PIGU: variants seen among roughly 807,000 people sequenced by gnomAD.
PIGU encodes the protein GPI-anchor transamidase component PIGU.
Under a neutral mutation model 49.9 loss-of-function variants are expected in PIGU, and 24 were observed. The observed-to-expected ratio is 0.48, with a 90% CI of 0.35 to 0.68. PIGU has a LOEUF of 0.68. Among genes scored for constraint, PIGU ranks in the 30% least tolerant of loss-of-function variants. The pLI, the probability that PIGU is intolerant of heterozygous loss-of-function variation, is 0.01. For missense variants in PIGU, 490 were observed against 532.6 expected, an observed-to-expected ratio of 0.92 and a Z score of 0.79; for synonymous variants, 220 against 205.7, an observed-to-expected ratio of 1.07 and a Z score of -0.59.
At chr20:34,567,313 C>T (rs886808050) in intron 11 of PIGU, among the ~76,000 whole-genome samples, 6 of 152,192 alleles carry the variant, frequency 3.9e-5, no homozygotes, top group Admixed American at 1.3e-4. Flanking sequence ...AAAACTCCAC[C>T]CTCCAGCTCT....
At chr20:34,627,935 A>G (rs1985554888) in intron 6 of PIGU, among the ~76,000 whole-genome samples, 1 of 152,302 alleles carries the variant, frequency 6.6e-6, no homozygotes, top group South Asian at 2.1e-4. Flanking sequence ...TAGCCATTTT[A>G]AGTAATCCAA....
intron 7 of PIGU, among the ~76,000 whole-genome samples, chr20:34,598,679 T>C (rs540532820): frequency 6.3e-4 from 96 of 152,336 alleles, no homozygotes; most frequent in Middle Eastern, 3.4e-3. Flanking sequence ...TCACTCATAA[T>C]AGAACTGACA....
intron 11 of PIGU, among the ~76,000 whole-genome samples, chr20:34,563,288 C>T (rs1982603989): frequency 6.6e-6 from 1 of 152,148 alleles, no homozygotes; most frequent in Non-Finnish European, 1.5e-5. Flanking sequence ...AAAACTTCGG[C>T]GAGGTGCGGT....
intron 6 of PIGU, among the ~76,000 whole-genome samples, chr20:34,631,756 TA>T (rs1985751108): frequency 4.2e-4 from 2 of 4,724 alleles, no homozygotes; most frequent in African/African-American, 1.1e-3. Flanking sequence ...TATATATATA[TA>T]TATATATATA....
At chr20:34,573,876 A>G (rs1372421365) in intron 11 of PIGU, among the ~76,000 whole-genome samples, 1 of 152,238 alleles carries the variant, frequency 6.6e-6, no homozygotes, top group Non-Finnish European at 1.5e-5. Context: ...TCACAAACCA[A>G]GACAACTGGC....
intron 8 of PIGU, among the ~76,000 whole-genome samples, chr20:34,587,326 C>A (rs1174038027): frequency 6.6e-6 from 1 of 152,164 alleles, no homozygotes; most frequent in African/African-American, 2.4e-5. Flanking sequence ...GCTATGAAAA[C>A]CAAATTAGCT....
intron 6 of PIGU, among the ~76,000 whole-genome samples, chr20:34,623,065 G>A (rs1985307193): frequency 6.6e-6 from 1 of 152,156 alleles, no homozygotes; most frequent in South Asian, 2.1e-4. Context: ...GGAGTGAGCA[G>A]GAATGTAATG....
chr20:34,650,700 C>CTCTTTTTTTTTTTTTTTTTTTTT (rs1986509194), intron 2 of PIGU, among the ~76,000 whole-genome samples: 1 of 38,796 alleles, frequency 2.6e-5, no homozygotes, highest in African/African-American at 1.2e-4. Context: ...CTTTTTTTCT[C>CTCTTTTTTTTTTTTTTTTTTTTT]TTTTTTTTTT....
intron 11 of PIGU, among the ~76,000 whole-genome samples, chr20:34,569,861 A>G (rs1982932013): frequency 6.6e-6 from 1 of 152,198 alleles, no homozygotes; most frequent in Admixed American, 6.5e-5. Flanking sequence ...AAGAAGACAG[A>G]CCCAGGGCTC....
At chr20:34,645,249 T>C in intron 3 of PIGU, 26 bp downstream of exon 3, 2 of 1,496,710 alleles carry the variant, frequency 1.3e-6, no homozygotes, top group Admixed American at 2.4e-5. Context: ...TATATACATA[T>C]CAATTTTATA....
At chr20:34,589,978 C>T (rs1205025362) in intron 7 of PIGU, among the ~76,000 whole-genome samples, 1 of 151,602 alleles carries the variant, frequency 6.6e-6, no homozygotes, top group Non-Finnish European at 1.5e-5. Flanking sequence ...TTAAGTATGA[C>T]AACAGCAATT....
intron 2 of PIGU, among the ~76,000 whole-genome samples, chr20:34,654,431 C>T (rs1215665484): frequency 9.6e-6 from 1 of 104,642 alleles, no homozygotes; most frequent in Non-Finnish European, 2.0e-5. Context: ...TGCAATGAGC[C>T]GAGTTGGCGC....
chr20:34,621,557 G>C (rs1985233896), intron 6 of PIGU, among the ~76,000 whole-genome samples: 1 of 152,136 alleles, frequency 6.6e-6, no homozygotes, highest in South Asian at 2.1e-4. Context: ...GTGTGGACAG[G>C]GCGGACGCAC....
intron 11 of PIGU, among the ~76,000 whole-genome samples, chr20:34,562,813 T>TG (rs919794747): frequency 6.6e-6 from 1 of 152,146 alleles, no homozygotes; most frequent in Non-Finnish European, 1.5e-5. Flanking sequence ...GCTGGCCCAC[T>TG]GGGGGGCAGT....
intron 2 of PIGU, among the ~76,000 whole-genome samples, chr20:34,646,854 G>A (rs928436895): frequency 6.6e-6 from 1 of 151,108 alleles, no homozygotes; most frequent in Non-Finnish European, 1.5e-5. Flanking sequence ...ACAGACTCTC[G>A]CACTGTTGCC....
At chr20:34,603,760 T>C (rs1984513581) in intron 7 of PIGU, among the ~76,000 whole-genome samples, 1 of 152,012 alleles carries the variant, frequency 6.6e-6, no homozygotes, top group Non-Finnish European at 1.5e-5. Context: ...GAAACCCCAG[T>C]TTCTCTAAAT....
intron 1 of PIGU, among the ~76,000 whole-genome samples, chr20:34,667,580 G>C (rs963593226): frequency 1.3e-5 from 2 of 152,034 alleles, no homozygotes; most frequent in African/African-American, 4.8e-5. Context: ...AATGAATATA[G>C]TATACAGAGT....
Position 34,637,948 on chromosome 20 carries a change from T to A in PIGU, c.356A>T (p.Tyr119Phe). The change falls in exon 5 of 12, where the codon TAT becomes TTT. Residue 119 changes from tyrosine to phenylalanine, a missense_variant. Tyr to Phe is a conservative substitution (Grantham distance 22). Transcript: ENST00000217446. ...GATGAGTTCGGCCACATCTGGGGCA[T>A]ACTGGTCCAGTTCTAGGAGGAGTTT... ...KQKLLLELDQYAPDVAELIRT... is the reference protein window; with the variant it reads ...KQKLLLELDQFAPDVAELIRT... 1 of 1,599,774 alleles carries A rather than the reference T, an allele frequency of 6.3e-7. No individual in the cohort carries two copies. The highest frequency in any genetic ancestry group is 8.5e-7 in the Non-Finnish European group (1 of 1,175,330).
intron 10 of PIGU, among the ~76,000 whole-genome samples, chr20:34,579,845 AC>A (rs1368545073): frequency 3.9e-5 from 6 of 152,230 alleles, no homozygotes; most frequent in Admixed American, 3.9e-4. Flanking sequence ...GACTCTGGCT[AC>A]CAAGCCCGAA....
Sources: gnomAD v4.1 joint callset for allele counts (sites outside exome capture counted in the v4.1 genomes callset) on GRCh38, gnomAD v4.1.1 for gene constraint, MANE v1.5 for transcripts, NCBI Gene and HGNC (gene_info 2026-07-23, HGNC 2026-07-21) for gene names.